Variants in GNL3L observed in about 807,000 individuals in gnomAD.
GNL3L encodes the protein guanine nucleotide-binding protein-like 3-like protein.
GNL3L carries 4 observed loss-of-function variants against 42.9 expected under a neutral mutation model. That is an observed-to-expected ratio of 0.09 (90% confidence interval 0.05 to 0.21). GNL3L has a LOEUF of 0.21. GNL3L is among the 10% of genes least tolerant of loss of function. GNL3L has a pLI of 1.00. For missense variants in GNL3L, 412 were observed against 481.7 expected (o/e 0.86, Z 1.36); for synonymous variants, 159 against 176.3 (o/e 0.90, Z 0.78).
At chrX:54,584,018 C>T (rs1925749919) in intron 16 of GNL3L, among the ~76,000 whole-genome samples, 2 of 110,763 alleles carry the variant, frequency 1.8e-5, no homozygotes, top group Admixed American at 9.7e-5. Flanking sequence ...ATAATAAAAG[C>T]CACGTATGAC....
At chrX:54,535,936 T>G (rs1195417357) in intron 2 of GNL3L, among the ~76,000 whole-genome samples, 1 of 101,826 alleles carries the variant, frequency 9.8e-6, no homozygotes, top group South Asian at 4.3e-4. Context: ...CTAATTTTTT[T>G]TTTTTTTTGA....
At chrX:54,606,998 T>TTCTTTCTTTC (rs1449507845) in intron 16 of GNL3L, among the ~76,000 whole-genome samples, 50 of 16,599 alleles carry the variant, frequency 3.0e-3, no homozygotes, top group East Asian at 4.2e-3. Context: ...TTCCTTTCCT[T>TTCTTTCTTTC]TCTTTCTTTC....
intron 16 of GNL3L, among the ~76,000 whole-genome samples, chrX:54,584,489 C>T (rs985921499): frequency 3.7e-4 from 41 of 111,907 alleles, no homozygotes; most frequent in Middle Eastern, 4.6e-3. Context: ...GTGTTAGGAA[C>T]ATTCCAATTA....
intron 16 of GNL3L, among the ~76,000 whole-genome samples, chrX:54,581,662 T>C (rs2147515220): frequency 8.9e-6 from 1 of 112,654 alleles, no homozygotes; most frequent in South Asian, 3.7e-4. Flanking sequence ...ACTAGAGTCA[T>C]ATAGTAATCT....
At chrX:54,536,882 T>C (rs1165194334) in intron 2 of GNL3L, among the ~76,000 whole-genome samples, 1 of 109,100 alleles carries the variant, frequency 9.2e-6, no homozygotes, top group Non-Finnish European at 1.9e-5. Context: ...GAAAGGCAAG[T>C]GGTAATCTTT....
At chrX:54,645,195 T>A in the GNL3L span, among the ~76,000 whole-genome samples, 1 of 111,735 alleles carries the variant, frequency 8.9e-6, no homozygotes, top group African/African-American at 3.2e-5. Flanking sequence ...ATCCCAAGTT[T>A]GTGCCTCATT....
intron 5 of GNL3L, 32 bp downstream of exon 5, chrX:54,541,421 T>C: frequency 1.1e-6 from 1 of 928,271 alleles, no homozygotes; most frequent in Non-Finnish European, 1.6e-6. Flanking sequence ...CTGGGTAGGT[T>C]TGCTCAAAGC....
chrX:54,627,349 A>G, the GNL3L span, among the ~76,000 whole-genome samples: 2 of 110,262 alleles, frequency 1.8e-5, no homozygotes, highest in African/African-American at 6.6e-5. Flanking sequence ...ATCAGTTGTA[A>G]TGTTTCCTTT....
chrX:54,595,867 C>G (rs1011044077), intron 16 of GNL3L, among the ~76,000 whole-genome samples: 1 of 112,194 alleles, frequency 8.9e-6, no homozygotes, highest in Non-Finnish European at 1.9e-5. Flanking sequence ...TCTAGAATTT[C>G]CACTTAATTT....
the GNL3L span, among the ~76,000 whole-genome samples, chrX:54,644,050 A>G: frequency 8.9e-6 from 1 of 112,284 alleles, no homozygotes; most frequent in South Asian, 3.6e-4. Context: ...TGTCTTGACT[A>G]TATTGAATAG....
rs933658922 is a variant in GNL3L at position 54,566,303 on chromosome X, C to T, written c.*5701C>T. ...AATTGTAGTTCCCATAATCCCCACA[C>T]ATATGTACCACATTTTCTTTATCCA... On this transcript the variant is annotated 3_prime_UTR_variant, in exon 16 of 16. Transcript: ENST00000360845. Among the ~76,000 whole-genome samples the T allele has an allele frequency of 8.9e-6, 1 of 112,172 alleles. No homozygotes were observed. Among genetic ancestry groups the T allele is most frequent in the African/African-American group, 3.2e-5 (1 of 30,846 alleles).
chrX:54,583,502 TTTTTC>T (rs1354813744), intron 16 of GNL3L, among the ~76,000 whole-genome samples: 1 of 109,255 alleles, frequency 9.2e-6, no homozygotes, highest in Non-Finnish European at 1.9e-5. Context: ...CCATTGATTT[TTTTTC>T]TTTATAGATC....
chrX:54,580,253 G>T (rs1490094373), intron 16 of GNL3L, among the ~76,000 whole-genome samples: 4 of 101,405 alleles, frequency 3.9e-5, no homozygotes, highest in Admixed American at 1.1e-4. Flanking sequence ...GCGGTGTTTG[G>T]TTTTTTGTCC....
the GNL3L span, among the ~76,000 whole-genome samples, chrX:54,631,721 G>C: frequency 5.4e-5 from 6 of 111,458 alleles, no homozygotes; most frequent in African/African-American, 9.8e-5. Context: ...TATCCATTCT[G>C]CCATTCTGTA....
At chrX:54,639,081 A>G in the GNL3L span, among the ~76,000 whole-genome samples, 1 of 111,313 alleles carries the variant, frequency 9.0e-6, no homozygotes, top group African/African-American at 3.3e-5. Context: ...GGGATTGCTG[A>G]GCCAATAGGA....
At chrX:54,634,394 C>T in the GNL3L span, among the ~76,000 whole-genome samples, 1 of 111,819 alleles carries the variant, frequency 8.9e-6, no homozygotes, top group Non-Finnish European at 1.9e-5. Context: ...CTCCATCTCC[C>T]GGGTTCAAAT....
chrX:54,640,116 G>A, the GNL3L span, among the ~76,000 whole-genome samples: 1 of 111,371 alleles, frequency 9.0e-6, no homozygotes, highest in East Asian at 2.8e-4. Flanking sequence ...GTTTATTTTT[G>A]TATCTGTTTC....
the GNL3L span, among the ~76,000 whole-genome samples, chrX:54,630,466 C>T: frequency 7.3e-5 from 8 of 110,330 alleles, no homozygotes; most frequent in African/African-American, 2.6e-4. Flanking sequence ...TATTATTGTT[C>T]AGTTCAAAGA....
At chrX:54,552,179 G>C (rs961026550) in intron 12 of GNL3L, 113 bp from the exon 13 acceptor site, 50 of 869,695 alleles carry the variant, frequency 5.7e-5, no homozygotes, top group Middle Eastern at 6.3e-4. Context: ...AGAAGCCACT[G>C]TCTGGGTTTT....
Sources: allele counts gnomAD v4.1 joint callset (sites outside exome capture counted in the v4.1 genomes callset), GRCh38; gene constraint gnomAD v4.1.1; transcripts MANE v1.5; gene names NCBI Gene and HGNC (gene_info 2026-07-23, HGNC 2026-07-21).